SMARCC1: variants seen among roughly 807,000 people sequenced by gnomAD.
SMARCC1 encodes SWI/SNF related BAF chromatin remodeling complex subunit C1, also known as SWI/SNF complex subunit SMARCC1.
In SMARCC1, 43 loss-of-function variants were observed where a neutral mutation model predicts 147.4. The ratio of observed to expected loss-of-function variants is 0.29; its 90% confidence interval spans 0.23 to 0.38. The LOEUF is 0.38. Among genes scored for constraint, SMARCC1 ranks in the 10% least tolerant of loss-of-function variants. The pLI is 1.00. For missense variants in SMARCC1, 1,119 were observed against 1,381.1 expected (o/e 0.81, Z 3.01); for synonymous variants, 495 against 484.4 (o/e 1.02, Z -0.29).
At chr3:47,636,635 C>A (rs965676971) in intron 22 of SMARCC1, among the ~76,000 whole-genome samples, 2 of 152,050 alleles carry the variant, frequency 1.3e-5, no homozygotes, top group African/African-American at 4.8e-5. Flanking sequence ...AACCTATAAT[C>A]CCAGGTACTC....
At chr3:47,683,555 A>G (rs1328659657) in intron 14 of SMARCC1, among the ~76,000 whole-genome samples, 1 of 152,064 alleles carries the variant, frequency 6.6e-6, no homozygotes, top group Non-Finnish European at 1.5e-5. Flanking sequence ...AAAGGTATAA[A>G]AAGTACCCCA....
At chr3:47,624,267 G>C (rs1264134442) in intron 24 of SMARCC1, among the ~76,000 whole-genome samples, 1 of 152,032 alleles carries the variant, frequency 6.6e-6, no homozygotes, top group East Asian at 1.9e-4. Flanking sequence ...CTCCAGCCTA[G>C]TGACAGAACA....
chr3:47,774,571 C>T (rs1032813055), intron 1 of SMARCC1, among the ~76,000 whole-genome samples: 2 of 151,886 alleles, frequency 1.3e-5, no homozygotes, highest in South Asian at 2.1e-4. Flanking sequence ...GCACCCACCA[C>T]CATTCCCGGC....
chr3:47,727,240 G>A (rs2034310413), intron 6 of SMARCC1, among the ~76,000 whole-genome samples: 1 of 151,804 alleles, frequency 6.6e-6, no homozygotes. Context: ...CGGGCACGGT[G>A]GCTAACGCCT....
At chr3:47,640,002 A>G (rs1261468623) in intron 21 of SMARCC1, among the ~76,000 whole-genome samples, 1 of 152,212 alleles carries the variant, frequency 6.6e-6, no homozygotes, top group Admixed American at 6.5e-5. Context: ...ACAAATTTCA[A>G]ATAACCACTA....
intron 9 of SMARCC1, among the ~76,000 whole-genome samples, chr3:47,707,765 A>T (rs1206860055): frequency 6.6e-6 from 1 of 152,122 alleles, no homozygotes; most frequent in East Asian, 1.9e-4. Flanking sequence ...TGTGGCCCGA[A>T]TTACTCAGAA....
At chr3:47,624,894 T>TAAAAAAA (rs60766054) in intron 24 of SMARCC1, among the ~76,000 whole-genome samples, 6 of 111,748 alleles carry the variant, frequency 5.4e-5, no homozygotes, top group Admixed American at 9.2e-5. Flanking sequence ...TACTAAAAAT[T>TAAAAAAA]AAAAAAAAAA....
chr3:47,750,201 C>T (rs771911570), intron 2 of SMARCC1, among the ~76,000 whole-genome samples: 3 of 152,200 alleles, frequency 2.0e-5, no homozygotes, highest in South Asian at 2.1e-4. Context: ...TTTGGGAGGC[C>T]AAGGTGGACG....
intron 12 of SMARCC1, among the ~76,000 whole-genome samples, chr3:47,691,924 C>T (rs1158183905): frequency 6.6e-6 from 1 of 152,020 alleles, no homozygotes; most frequent in East Asian, 1.9e-4. Flanking sequence ...TGCTTGAACC[C>T]GGGAGGAGGA....
rs1279084191 is a variant in SMARCC1, at chr3:47,633,785, C to T, written c.2646+1405G>A. Among the ~76,000 whole-genome samples the T allele has an allele frequency of 1.1e-3, 31 of 27,532 alleles. 1 individual carries two copies. In the South Asian group the frequency reaches 0.023, roughly 21 times the overall value. 18.1% of individuals were successfully genotyped at this position (27,532 alleles called of 152,430 possible). On this transcript the variant is annotated intron_variant, in intron 24 of 27. Transcript: ENST00000254480. ...AAAAATATATATATATATATACACA[C>T]ACACACACACACACACACACACACA...
chr3:47,680,176 C>A, intron 15 of SMARCC1: 1 of 334,508 alleles, frequency 3.0e-6, no homozygotes, highest in Non-Finnish European at 5.4e-6. Flanking sequence ...GAGCCAAGAT[C>A]ATGACACTGC....
intron 21 of SMARCC1, among the ~76,000 whole-genome samples, chr3:47,646,155 A>T (rs2033119040): frequency 6.6e-6 from 1 of 152,018 alleles, no homozygotes; most frequent in African/African-American, 2.4e-5. Context: ...CCCTGTCTCT[A>T]AAAAAAATAA....
At chr3:47,685,924 T>A in intron 14 of SMARCC1, 125 bp downstream of exon 14, 1 of 707,764 alleles carries the variant, frequency 1.4e-6, no homozygotes, top group East Asian at 2.6e-5. Context: ...TCACTCTCCA[T>A]CTCCCTTCAT....
At chr3:47,765,268 A>C (rs1264032375) in intron 2 of SMARCC1, among the ~76,000 whole-genome samples, 4 of 144,374 alleles carry the variant, frequency 2.8e-5, no homozygotes, top group Non-Finnish European at 6.1e-5. Context: ...AAAAACATAC[A>C]AAAAAAAAAA....
chr3:47,774,760 A>G (rs1559669961), intron 1 of SMARCC1, among the ~76,000 whole-genome samples: 2 of 151,892 alleles, frequency 1.3e-5, no homozygotes, highest in African/African-American at 4.8e-5. Context: ...CTTATACTAT[A>G]TTGATAATTT....
chr3:47,737,363 C>T (rs1441991127), intron 4 of SMARCC1, among the ~76,000 whole-genome samples: 1 of 151,942 alleles, frequency 6.6e-6, no homozygotes. Context: ...TGCACCACTG[C>T]ACTCCAGCCT....
At chr3:47,635,592 A>G (rs115446573) in intron 23 of SMARCC1, among the ~76,000 whole-genome samples, 332 of 152,272 alleles carry the variant, frequency 2.2e-3, no homozygotes, top group African/African-American at 7.7e-3. Context: ...TCCCTTGGAT[A>G]TATATATTTA....
At chr3:47,647,238 A>G (rs1225815464) in intron 21 of SMARCC1, among the ~76,000 whole-genome samples, 1 of 152,180 alleles carries the variant, frequency 6.6e-6, no homozygotes, top group Non-Finnish European at 1.5e-5. Context: ...CAGCTTTACA[A>G]TGGTGCAAAA....
At chr3:47,648,563 C>CT in intron 21 of SMARCC1, among the ~76,000 whole-genome samples, 1 of 151,474 alleles carries the variant, frequency 6.6e-6, no homozygotes, top group Middle Eastern at 3.4e-3. Flanking sequence ...GGTTTTTTTT[C>CT]TTTTTTGTAG....
Sources: gnomAD v4.1 joint callset for allele counts (sites outside exome capture counted in the v4.1 genomes callset) on GRCh38, gnomAD v4.1.1 for gene constraint, MANE v1.5 for transcripts, NCBI Gene and HGNC (gene_info 2026-07-23, HGNC 2026-07-21) for gene names.